CCDC149: variants seen among roughly 807,000 people sequenced by gnomAD.
The protein encoded by CCDC149 is coiled-coil domain containing 149, also known as coiled-coil domain-containing protein 149.
In CCDC149, 45 loss-of-function variants were observed where a neutral mutation model predicts 59.9. The ratio of observed to expected loss-of-function variants is 0.75; its 90% confidence interval spans 0.59 to 0.96. The LOEUF is 0.96. Among genes scored for constraint, CCDC149 ranks in the 40% least tolerant of loss-of-function variants. The pLI is 0.00. For missense variants in CCDC149, 584 were observed against 664.7 expected (o/e 0.88, Z 1.33); for synonymous variants, 245 against 260.6 (o/e 0.94, Z 0.58).
In CCDC149 at chr4:24,912,790, C is replaced by G. The variant is rs533889935; in HGVS notation, c.63+27G>C. On this transcript the variant is annotated intron_variant, in intron 1 of 12. Transcript: ENST00000635206. The stretch of plus-strand genomic sequence containing the variant: ...CTGGCGGCCGCTCGGCCCGGCCCAT[C>G]CCGCCTGGCCGGCGCCGCGGCCTCA... 1,135 of 1,293,736 alleles carry G rather than the reference C, an allele frequency of 8.8e-4. 7 individuals carry two copies. In the African/African-American group the frequency reaches 0.016, roughly 18 times the overall value. The allele number at this position is 1,293,736 out of a possible 1,614,324, so 80.1% of individuals were successfully genotyped here.
At chr4:24,953,178 T>C (rs1278306037) in intron 1 of CCDC149, among the ~76,000 whole-genome samples, 1 of 152,090 alleles carries the variant, frequency 6.6e-6, no homozygotes, top group Admixed American at 6.5e-5. Context: ...GGATACCACT[T>C]CTCTAGCATC....
chr4:24,898,105 T>A (rs1436549070), intron 1 of CCDC149, among the ~76,000 whole-genome samples: 1 of 152,188 alleles, frequency 6.6e-6, no homozygotes, highest in Admixed American at 6.5e-5. Flanking sequence ...CATGGCATCA[T>A]GTTGACAGTC....
At chr4:24,869,026 C>T (rs974619047) in intron 3 of CCDC149, among the ~76,000 whole-genome samples, 1 of 152,204 alleles carries the variant, frequency 6.6e-6, no homozygotes, top group Non-Finnish European at 1.5e-5. Flanking sequence ...CAGCAGCCGG[C>T]ACTTGGTAAG....
chr4:24,965,355 A>G (rs1160033890), intron 1 of CCDC149, among the ~76,000 whole-genome samples: 2 of 151,114 alleles, frequency 1.3e-5, no homozygotes, highest in Non-Finnish European at 2.9e-5. Flanking sequence ...AAACACCTAT[A>G]GCAGCAGACT....
chr4:24,849,714 T>C (rs955035895), intron 4 of CCDC149, among the ~76,000 whole-genome samples: 1 of 152,240 alleles, frequency 6.6e-6, no homozygotes, highest in African/African-American at 2.4e-5. Context: ...TTTTCAAACG[T>C]ACTTAACATC....
intron 1 of CCDC149, among the ~76,000 whole-genome samples, chr4:24,970,357 C>T (rs112076109): frequency 0.018 from 2,762 of 152,290 alleles, 83 homozygotes; most frequent in African/African-American, 0.063. Flanking sequence ...ACTTGGACAC[C>T]TGTGGCTGAT....
At chr4:24,973,010 T>C (rs1336414206) in intron 1 of CCDC149, among the ~76,000 whole-genome samples, 1 of 152,194 alleles carries the variant, frequency 6.6e-6, no homozygotes, top group Non-Finnish European at 1.5e-5. Flanking sequence ...ACAAGAACCT[T>C]GGTTTCCACA....
At chr4:24,853,235 C>T (rs1047740890) in intron 3 of CCDC149, 56 bp from the exon 4 acceptor site, 2 of 1,327,518 alleles carry the variant, frequency 1.5e-6, no homozygotes, top group African/African-American at 1.4e-5. Context: ...TGGATGAATG[C>T]AGGGCTTCAT....
chr4:24,937,075 C>T (rs757694148), intron 1 of CCDC149, among the ~76,000 whole-genome samples: 8 of 152,116 alleles, frequency 5.3e-5, no homozygotes, highest in African/African-American at 9.7e-5. Context: ...GGCGCCAAGG[C>T]GAAGGAGAAG....
At chr4:24,906,370 A>ATTTTTTTATTTTATTTTATTTT (rs1489184093) in intron 1 of CCDC149, among the ~76,000 whole-genome samples, 1 of 40,882 alleles carries the variant, frequency 2.4e-5, no homozygotes, top group Admixed American at 3.3e-4. Flanking sequence ...AACAAATTTT[A>ATTTTTTTATTTTATTTTATTTT]TTTTATTTTA....
rs138300348 is a variant in CCDC149 at position 24,890,420 on chromosome 4, A to G, written c.64-13723T>C. 4.7e-3 allele frequency among the ~76,000 whole-genome samples: 710 copies of G among 152,310 alleles called. 9 individuals carry two copies. Among genetic ancestry groups the G allele is most frequent in the African/African-American group, 0.016 (669 of 41,556 alleles). ...TGGGATTTGAACCCAAGCCTGTCCC[A>G]TGCCCTTTCTGCCACAGCACCCCAT... On this transcript the variant is annotated intron_variant, in intron 1 of 12. Transcript: ENST00000635206.
intron 1 of CCDC149, among the ~76,000 whole-genome samples, chr4:24,936,362 C>G (rs556674027): frequency 2.6e-5 from 4 of 151,818 alleles, no homozygotes; most frequent in African/African-American, 9.7e-5. Context: ...TATATATCAT[C>G]AAATATATGT....
intron 1 of CCDC149, among the ~76,000 whole-genome samples, chr4:24,957,352 T>C (rs1723493722): frequency 6.6e-6 from 1 of 152,192 alleles, no homozygotes; most frequent in South Asian, 2.1e-4. Context: ...ACTCTCCTCT[T>C]TAAGCTCACA....
chr4:24,915,858 A>G (rs1489230024), upstream of CCDC149, among the ~76,000 whole-genome samples: 1 of 152,250 alleles, frequency 6.6e-6, no homozygotes, highest in East Asian at 1.9e-4. Flanking sequence ...GAGTAATAAT[A>G]ATAATTAAAT....
chr4:24,913,245 CG>C (rs1321926178), upstream of CCDC149, among the ~76,000 whole-genome samples: 1 of 152,126 alleles, frequency 6.6e-6, no homozygotes, highest in Non-Finnish European at 1.5e-5. Flanking sequence ...GCGCGGGAGG[CG>C]GGCCCCACGG....
chr4:24,969,369 A>G (rs1723894806), intron 1 of CCDC149, among the ~76,000 whole-genome samples: 1 of 152,184 alleles, frequency 6.6e-6, no homozygotes, highest in African/African-American at 2.4e-5. Context: ...TGCAACATTT[A>G]TGTGGCCTGT....
chr4:24,871,042 C>CAAA (rs35580363), intron 3 of CCDC149, among the ~76,000 whole-genome samples: 18,982 of 77,430 alleles, frequency 0.25, 1,563 homozygotes, highest in Middle Eastern at 0.32. Context: ...GAGACTCCCT[C>CAAA]AAAAAAAAAA....
chr4:24,816,156 C>G (rs886801477), intron 12 of CCDC149, among the ~76,000 whole-genome samples: 5 of 152,150 alleles, frequency 3.3e-5, no homozygotes, highest in African/African-American at 1.2e-4. Context: ...GCCGCGATCA[C>G]AGCTCACAGC....
chr4:24,934,560 A>C (rs1196739142), intron 1 of CCDC149, among the ~76,000 whole-genome samples: 1 of 152,198 alleles, frequency 6.6e-6, no homozygotes, highest in African/African-American at 2.4e-5. Context: ...ACTGGCCCAG[A>C]CTCAAGGGTG....
Sources: allele counts gnomAD v4.1 joint callset (sites outside exome capture counted in the v4.1 genomes callset), GRCh38; gene constraint gnomAD v4.1.1; transcripts MANE v1.5; gene names NCBI Gene and HGNC (gene_info 2026-07-23, HGNC 2026-07-21).